The following NBPF11 variants were observed in gnomAD, a reference collection of about 807,000 sequenced individuals.
The protein encoded by NBPF11 is NBPF member 11, also known as NBPF family member NBPF11.
NBPF11 carries 72 observed loss-of-function variants against 93.9 expected under a neutral mutation model. The ratio of observed to expected loss-of-function variants is 0.77; its 90% CI spans 0.63 to 0.93. The LOEUF (loss-of-function observed/expected upper bound fraction) is 0.93, where lower values mean the gene tolerates loss of function less well. NBPF11 is among the 40% of genes least tolerant of loss of function. NBPF11 has a pLI of 0.00. For missense variants in NBPF11, 705 were observed against 802.2 expected (o/e 0.88, Z 1.46); for synonymous variants, 224 against 304.9 (o/e 0.73, Z 2.76).
intron 23 of NBPF11, among the ~76,000 whole-genome samples, 190 bp downstream of exon 23, chr1:148,104,347 C>G (rs1290994451): frequency 1.4e-5 from 2 of 146,328 alleles, no homozygotes; most frequent in Admixed American, 6.8e-5. Context: ...ACCTATGGTA[C>G]GTTAGTAAAT....
chr1:148,124,399 C>T (rs1313994682), intron 6 of NBPF11, among the ~76,000 whole-genome samples: 1 of 149,488 alleles, frequency 6.7e-6, no homozygotes, highest in Non-Finnish European at 1.5e-5. Context: ...TGAAAATACA[C>T]ATAGTGCATC....
intron 23 of NBPF11, among the ~76,000 whole-genome samples, chr1:148,104,158 G>A (rs1371666269): frequency 6.3e-5 from 9 of 143,844 alleles, no homozygotes; most frequent in Non-Finnish European, 1.2e-4. Context: ...GAGAGAAAGT[G>A]AGCTAGTGAA....
chr1:148,115,766 A>T (rs1315761964), intron 14 of NBPF11, 27 bp downstream of exon 14: 5 of 1,521,156 alleles, frequency 3.3e-6, no homozygotes, highest in Admixed American at 1.7e-5. Flanking sequence ...AGAGAGAGGT[A>T]TGAGACACAA....
chr1:148,150,975 C>T (rs1473022283), intron 1 of NBPF11, among the ~76,000 whole-genome samples: 6 of 151,854 alleles, frequency 4.0e-5, no homozygotes, highest in African/African-American at 1.5e-4. Context: ...GATCCGCCCG[C>T]GTCGGCCTCT....
At chr1:148,111,654 G>T (rs1665303337) in intron 15 of NBPF11, among the ~76,000 whole-genome samples, 1 of 151,508 alleles carries the variant, frequency 6.6e-6, no homozygotes, top group African/African-American at 2.4e-5. Context: ...AACGGTATCA[G>T]TGATTCAAGA....
intron 5 of NBPF11, 109 bp downstream of exon 5, chr1:148,126,720 C>A (rs1351500126): frequency 1.5e-5 from 10 of 666,816 alleles, no homozygotes; most frequent in African/African-American, 1.1e-4. Flanking sequence ...GTTAAAATAC[C>A]CATTTCTGTT....
chr1:148,111,231 C>G (rs1236710260), intron 15 of NBPF11, among the ~76,000 whole-genome samples: 4 of 152,052 alleles, frequency 2.6e-5, no homozygotes, highest in Admixed American at 6.5e-5. Context: ...ACATCCACCC[C>G]AAAACCCCAT....
At chr1:148,122,664 G>A in intron 8 of NBPF11, 65 bp downstream of exon 8, 2 of 1,595,322 alleles carry the variant, frequency 1.3e-6, no homozygotes, top group African/African-American at 1.3e-5. Flanking sequence ...TGCCAGAGAG[G>A]GCGTGCCTCC....
intron 5 of NBPF11, among the ~76,000 whole-genome samples, chr1:148,126,324 A>T (rs1341777891): frequency 1.3e-5 from 2 of 151,726 alleles, no homozygotes; most frequent in African/African-American, 4.9e-5. Flanking sequence ...TGATGCTGTC[A>T]CTTATAGATA....
chr1:148,105,489 G>C lies in NBPF11; in HGVS notation c.2343C>G (p.Val781=), dbSNP rs1187641810. The C allele has an allele frequency of 8.9e-4, 951 of 1,072,240 alleles. 107 individuals are homozygous for C. The highest frequency in any genetic ancestry group is 7.1e-4 in the Non-Finnish European group (518 of 729,184). The allele number at this position is 1,072,240 out of a possible 1,614,324, so 66.4% of individuals were successfully genotyped here. ...RELLEVVEPE[V]LQDSLDVIQL... is the part of the protein sequence containing the mutation. Reference sequence around the variant, plus strand: ...GAATAACATCCAGTGAGTCCTGCAAGACTTCAGGCTCTACTACCTCCAGCA... The same window carrying C: ...GAATAACATCCAGTGAGTCCTGCAACACTTCAGGCTCTACTACCTCCAGCA... The change falls in exon 22 of 24, where the codon GTC becomes GTG. Residue 781 remains valine, a synonymous_variant. Transcript: ENST00000682118.
chr1:148,115,760 AGAGGTATGAGACACAAG>A lies in NBPF11; in HGVS notation c.1585+16_1585+32del. On this transcript the variant is annotated intron_variant, in intron 14 of 23. Coordinates refer to ENST00000682118, the MANE Select transcript of NBPF11 (RefSeq NM_001385469.3). ...AGAGTTTATCTTCCTCAGCCTAGAG[AGAGGTATGAGACACAAG>A]GAAAACAGAGGCTACCTGGGATAAT... 6.7e-7 allele frequency: 1 copy of A among 1,486,502 alleles called. No homozygotes were observed. Among genetic ancestry groups the A allele is most frequent in the Non-Finnish European group, 9.3e-7 (1 of 1,074,266 alleles). 92.1% of individuals were successfully genotyped at this position (1,486,502 alleles called of 1,614,324 possible). A position where few individuals can be genotyped will look rare whatever the true frequency, so the allele number is the denominator to read the frequency against.
chr1:148,115,163 A>G (rs77539284), intron 14 of NBPF11, among the ~76,000 whole-genome samples: 20,539 of 50,178 alleles, frequency 0.41, 3,868 homozygotes, highest in African/African-American at 0.69. Flanking sequence ...GGACTCCATC[A>G]CAAAAAAAAA....
intron 5 of NBPF11, among the ~76,000 whole-genome samples, chr1:148,125,446 A>G (rs1668891096): frequency 2.0e-5 from 3 of 152,078 alleles, no homozygotes; most frequent in African/African-American, 7.3e-5. Context: ...AAATATGTCA[A>G]GAACTTTAAA....
At chr1:148,148,293 G>C (rs1647262681) in intron 1 of NBPF11, among the ~76,000 whole-genome samples, 1 of 152,254 alleles carries the variant, frequency 6.6e-6, no homozygotes, top group Admixed American at 6.5e-5. Flanking sequence ...ACCTGCCCAT[G>C]CTCCTGCCTT....
At chr1:148,106,803 A>G in intron 20 of NBPF11, 139 bp downstream of exon 20, 3 of 707,940 alleles carry the variant, frequency 4.2e-6, no homozygotes, top group Non-Finnish European at 7.7e-6. Context: ...CTACAGTTTC[A>G]TTACAACCTA....
chr1:148,134,008 C>A (rs1361606167), intron 4 of NBPF11, among the ~76,000 whole-genome samples: 2 of 152,030 alleles, frequency 1.3e-5, no homozygotes, highest in Non-Finnish European at 2.9e-5. Context: ...CCAAGTCCCA[C>A]GGCCTGTCCT....
rs1667594500 is a variant in NBPF11 at position 148,120,592 on chromosome 1, C to G, written c.897G>C (p.Leu299=). The G allele has an allele frequency of 6.8e-7, 1 of 1,481,410 alleles. No individual in the cohort carries two copies. The highest frequency in any genetic ancestry group is 1.4e-5 in the African/African-American group (1 of 71,976). The allele number at this position is 1,481,410 out of a possible 1,614,324, so 91.8% of individuals were successfully genotyped here. A position where few individuals can be genotyped will look rare whatever the true frequency, so the allele number is the denominator to read the frequency against. Residue 299 remains leucine (L), a synonymous_variant, in exon 10 of 24, where the codon CTG becomes CTC. Coordinates refer to ENST00000682118, the MANE Select transcript of NBPF11 (RefSeq NM_001385469.3). ...TTCTGAACTGCTGTTTCTTCTCTGCCAGCTGGGGGCACAATTTCTCATTGA... is the reference window on the plus strand; with the variant it reads ...TTCTGAACTGCTGTTTCTTCTCTGCGAGCTGGGGGCACAATTTCTCATTGA... ...LEINEKLCPQ[L]AEKKQQFRSL... is the part of the protein sequence containing the mutation.
rs1571437621 is a variant in NBPF11 at position 148,118,652 on chromosome 1, A to G, written c.1059T>C (p.Leu353=). 1 of 1,613,000 alleles carries G rather than the reference A, an allele frequency of 6.2e-7. No individual in the cohort carries two copies. The highest frequency in any genetic ancestry group is 2.2e-5 in the East Asian group (1 of 44,862). ...RNERQFKEEK[L]AEQLKQAEEL... ...CCTCAGCTTGCTTCAGCTGCTCTGC[A>G]AGCTTCTCCTCCTTGAACTGTCGCT... Residue 353 remains leucine, a synonymous_variant, in exon 11 of 24, where the codon CTT becomes CTC. Coordinates refer to ENST00000682118, the MANE Select transcript of NBPF11 (RefSeq NM_001385469.3).
At chr1:148,129,093 TA>T (rs1669752863) in intron 4 of NBPF11, among the ~76,000 whole-genome samples, 1 of 138,698 alleles carries the variant, frequency 7.2e-6, no homozygotes, top group Non-Finnish European at 1.5e-5. Flanking sequence ...CACACGTGTA[TA>T]TATATATATA....
Sources: allele counts gnomAD v4.1 joint callset (sites outside exome capture counted in the v4.1 genomes callset), GRCh38; gene constraint gnomAD v4.1.1; transcripts MANE v1.5; gene names NCBI Gene and HGNC (gene_info 2026-07-23, HGNC 2026-07-21).